The following SMYD3 variants were observed in gnomAD, a reference collection of about 807,000 sequenced individuals.
SMYD3 encodes SET and MYND domain containing 3, also known as histone-lysine N-methyltransferase SMYD3.
SMYD3 carries 36 observed loss-of-function variants against 57.7 expected under a neutral mutation model. The observed-to-expected ratio is 0.62, with a 90% CI of 0.48 to 0.82. SMYD3 has a LOEUF of 0.82. SMYD3 is among the 40% of genes least tolerant of loss of function. SMYD3 has a pLI of 0.00. For missense variants in SMYD3, 515 were observed against 538.8 expected (o/e 0.96, Z 0.44); for synonymous variants, 211 against 195.0 (o/e 1.08, Z -0.68).
rs541894448 is a variant in SMYD3, at chr1:246,363,726, T to G, written c.165-8632A>C. 9.5e-3 allele frequency among the ~76,000 whole-genome samples: 1,444 copies of G among 152,082 alleles called. 26 individuals are homozygous for G. Among genetic ancestry groups the G allele is most frequent in the African/African-American group, 0.031 (1,300 of 41,454 alleles). On this transcript the variant is annotated intron_variant, in intron 1 of 11. Coordinates refer to ENST00000490107, the MANE Select transcript of SMYD3 (RefSeq NM_001167740.2). Reference sequence around the variant, plus strand: ...GTTAAACAGATGCTTGAAGGCAGCATGCTCGTTAAGAGTCATCACCACTCC... The same window carrying G: ...GTTAAACAGATGCTTGAAGGCAGCAGGCTCGTTAAGAGTCATCACCACTCC...
chr1:246,061,790 T>C (rs2060257257), intron 5 of SMYD3, among the ~76,000 whole-genome samples: 2 of 152,152 alleles, frequency 1.3e-5, no homozygotes, highest in Non-Finnish European at 2.9e-5. Flanking sequence ...AACAGTGATG[T>C]GAAAGAAGCT....
chr1:245,999,119 G>A (rs187757342), intron 5 of SMYD3, among the ~76,000 whole-genome samples: 46 of 151,820 alleles, frequency 3.0e-4, no homozygotes, highest in African/African-American at 1.1e-3. Flanking sequence ...TACACTCAGA[G>A]ATCATTCAAA....
At chr1:246,002,911 G>A (rs2059103850) in intron 5 of SMYD3, among the ~76,000 whole-genome samples, 1 of 152,126 alleles carries the variant, frequency 6.6e-6, no homozygotes, top group Admixed American at 6.6e-5. Context: ...CTCCGCGCCC[G>A]GCCACCTCCT....
chr1:245,754,217 A>G (rs1376404412), intron 11 of SMYD3, among the ~76,000 whole-genome samples: 4 of 152,178 alleles, frequency 2.6e-5, no homozygotes, highest in Admixed American at 6.5e-5. Context: ...ATGAATTTAA[A>G]TCAAATCATA....
At chr1:246,335,876 A>G (rs2065535469) in intron 2 of SMYD3, among the ~76,000 whole-genome samples, 1 of 152,236 alleles carries the variant, frequency 6.6e-6, no homozygotes, top group African/African-American at 2.4e-5. Flanking sequence ...CGTGGTTCAG[A>G]AGACTCAAAA....
intron 7 of SMYD3, among the ~76,000 whole-genome samples, chr1:245,924,716 G>A (rs2056248624): frequency 7.1e-6 from 1 of 141,534 alleles, no homozygotes; most frequent in African/African-American, 2.7e-5. Flanking sequence ...AGGCTGGAGT[G>A]CAATGGTGCG....
intron 5 of SMYD3, among the ~76,000 whole-genome samples, chr1:246,269,210 C>T (rs1159462644): frequency 6.6e-6 from 1 of 152,122 alleles, no homozygotes; most frequent in Non-Finnish European, 1.5e-5. Flanking sequence ...TGGCTGATAC[C>T]ACCCTTTCCA....
intron 5 of SMYD3, among the ~76,000 whole-genome samples, chr1:246,317,909 G>GTTC (rs2065191161): frequency 6.6e-6 from 1 of 151,854 alleles, no homozygotes; most frequent in African/African-American, 2.4e-5. Flanking sequence ...AGAGAAAAAT[G>GTTC]TTCTTCAAAC....
intron 1 of SMYD3, among the ~76,000 whole-genome samples, chr1:246,412,531 TA>T (rs569397247): frequency 1.5e-3 from 232 of 151,308 alleles, no homozygotes; most frequent in Non-Finnish European, 2.3e-3. Context: ...AAAAGAATAC[TA>T]CCTGATTTTT....
At chr1:246,028,492 CATAA>C (rs766575140) in intron 5 of SMYD3, among the ~76,000 whole-genome samples, 11 of 152,016 alleles carry the variant, frequency 7.2e-5, no homozygotes, top group Admixed American at 1.3e-4. Flanking sequence ...GCTACAAAAA[CATAA>C]ATAAAGTATC....
At position 245,853,473 on chromosome 1, in the gene SMYD3, G is replaced by C. The variant is rs189559603; in HGVS notation, c.1076+5023C>G. Among the ~76,000 whole-genome samples, 9 of 152,276 alleles carry C rather than the reference G, an allele frequency of 5.9e-5. 1 individual carries two copies. The highest frequency in any genetic ancestry group is 2.1e-4 in the South Asian group (1 of 4,822). On this transcript the variant is annotated intron_variant, in intron 10 of 11. Coordinates refer to ENST00000490107, the MANE Select transcript of SMYD3 (RefSeq NM_001167740.2). ...CCACTGTAATACGCACCTGGGATGC[G>C]GGGTCAGGAAGGCAGGCCCAAAGCA...
At chr1:246,125,550 T>C (rs1410829149) in intron 5 of SMYD3, among the ~76,000 whole-genome samples, 1 of 152,128 alleles carries the variant, frequency 6.6e-6, no homozygotes, top group African/African-American at 2.4e-5. Flanking sequence ...TTTTTAGCTA[T>C]TTAATATTTT....
intron 1 of SMYD3, among the ~76,000 whole-genome samples, chr1:246,448,207 A>G (rs1479167226): frequency 2.6e-5 from 4 of 152,058 alleles, no homozygotes; most frequent in African/African-American, 9.7e-5. Flanking sequence ...ACAGAGCGAG[A>G]CTCCGTCTCA....
intron 5 of SMYD3, among the ~76,000 whole-genome samples, chr1:245,959,847 C>T (rs751221551): frequency 1.3e-5 from 2 of 152,154 alleles, no homozygotes; most frequent in African/African-American, 2.4e-5. Context: ...AGTGCCGTCA[C>T]AGCTCACTGT....
rs937776603 is a variant in SMYD3, at chr1:245,858,432, A to G, written c.1076+64T>C. 8.7e-6 allele frequency: 13 copies of G among 1,496,022 alleles called. No individual in the cohort carries two copies. The African/African-American group carries it at 1.5e-4, about 18-fold the overall frequency. The allele number at this position is 1,496,022 out of a possible 1,614,324, so 92.7% of individuals were successfully genotyped here. A position where few individuals can be genotyped will look rare whatever the true frequency, so the allele number is the denominator to read the frequency against. On this transcript the variant is annotated intron_variant, in intron 10 of 11. Coordinates refer to ENST00000490107, the MANE Select transcript of SMYD3 (RefSeq NM_001167740.2). ...GTAGTAATCAGAATGACTTCACAAC[A>G]TGGATCCTTTGCCCAACGTGAAGAC...
In SMYD3 at chr1:245,876,707, C is replaced by T. The variant is rs2052505567; in HGVS notation, c.814-12821G>A. On this transcript the variant is annotated intron_variant, in intron 8 of 11. Transcript: ENST00000490107. Reference sequence around the variant, plus strand: ...TATGACAACATCTCCCCAGTGCACTCCAGGGCCAGGTACTGGATCTGAGAA... The same window carrying T: ...TATGACAACATCTCCCCAGTGCACTTCAGGGCCAGGTACTGGATCTGAGAA... Among the ~76,000 whole-genome samples, 6 of 152,322 alleles carry T rather than the reference C, an allele frequency of 3.9e-5. No homozygotes were observed. The South Asian group carries it at 1.2e-3, about 32-fold the overall frequency.
chr1:246,271,199 A>G (rs569870322), intron 5 of SMYD3, among the ~76,000 whole-genome samples: 33 of 152,262 alleles, frequency 2.2e-4, no homozygotes, highest in African/African-American at 7.5e-4. Context: ...TTTGATATTG[A>G]TCCATTATCA....
intron 5 of SMYD3, among the ~76,000 whole-genome samples, chr1:246,150,817 C>T (rs1399725697): frequency 6.6e-6 from 1 of 152,200 alleles, no homozygotes; most frequent in Non-Finnish European, 1.5e-5. Flanking sequence ...TACTCACTTC[C>T]CCTCCAGAGC....
chr1:245,909,002 C>A (rs555835457), intron 8 of SMYD3, among the ~76,000 whole-genome samples: 2 of 150,840 alleles, frequency 1.3e-5, no homozygotes, highest in Admixed American at 1.3e-4. Context: ...AAGAACAATA[C>A]AATACAAAAG....
Sources: allele counts gnomAD v4.1 joint callset (sites outside exome capture counted in the v4.1 genomes callset), GRCh38; gene constraint gnomAD v4.1.1; transcripts MANE v1.5; gene names NCBI Gene and HGNC (gene_info 2026-07-23, HGNC 2026-07-21).